The following PRKD1 variants were observed in gnomAD, a reference collection of about 807,000 sequenced individuals.
PRKD1 encodes serine/threonine-protein kinase D1.
PRKD1 carries 63 observed loss-of-function variants against 95.9 expected under a neutral mutation model. The observed-to-expected ratio is 0.66, with a 90% CI of 0.54 to 0.81. PRKD1 has a LOEUF of 0.81. PRKD1 is among the 30% of genes least tolerant of loss of function. The probability of loss-of-function intolerance (pLI) is 0.00; values close to 1 mark genes in which losing one functional copy is unlikely to be tolerated. For synonymous variants in PRKD1, 425 were observed against 423.1 expected, an observed-to-expected ratio of 1.00 and a Z score of -0.05; for missense variants, 1,048 against 1,165.3, an observed-to-expected ratio of 0.90 and a Z score of 1.47.
At chr14:29,677,173 T>G (rs1883278983) in intron 2 of PRKD1, among the ~76,000 whole-genome samples, 1 of 152,234 alleles carries the variant, frequency 6.6e-6, no homozygotes, top group Non-Finnish European at 1.5e-5. Context: ...TTTTTATTCT[T>G]ACATTTTATT....
chr14:29,660,520 T>C (rs907989532), intron 4 of PRKD1, among the ~76,000 whole-genome samples: 2 of 152,190 alleles, frequency 1.3e-5, no homozygotes, highest in Non-Finnish European at 2.9e-5. Flanking sequence ...AAATAGTGTT[T>C]TGTTATGTTA....
Position 29,636,364 on chromosome 14 carries a change from C to T in PRKD1, c.1116G>A (p.Met372Ile). Residue 372 changes from methionine (M) to isoleucine (I), a missense_variant, in exon 7 of 18, where the codon ATG (methionine) becomes ATA (isoleucine). Coordinates refer to ENST00000331968, the MANE Select transcript of PRKD1 (RefSeq NM_002742.3). The stretch of plus-strand genomic sequence containing the variant: ...CGCCACTGTCGTTCTGGCACTCTGC[C>T]ATTGCCATCTCTGCATCTTGGACCA... ...EAMVQDAEMAMAECQNDSGEM... is the reference protein window; with the variant it reads ...EAMVQDAEMAIAECQNDSGEM... 6.2e-7 allele frequency: 1 copy of T among 1,614,218 alleles called. No individual in the cohort carries two copies. Among genetic ancestry groups the T allele is most frequent in the Non-Finnish European group, 8.5e-7 (1 of 1,180,058 alleles).
chr14:29,787,978 T>C (rs568867831), intron 1 of PRKD1, among the ~76,000 whole-genome samples: 22 of 152,274 alleles, frequency 1.4e-4, no homozygotes, highest in Admixed American at 1.3e-3. Context: ...ATTTGGCTCC[T>C]TTCTCTTTCT....
rs1895333610 is a variant in PRKD1 at position 29,927,191 on chromosome 14, G to A, written c.264+58C>T. The A allele has an allele frequency of 4.2e-6, 6 of 1,416,714 alleles. No homozygotes were observed. The Admixed American group carries it at 9.1e-5, about 22-fold the overall frequency. The allele number at this position is 1,416,714 out of a possible 1,614,324, so 87.8% of individuals were successfully genotyped here. ...AAAGTTGGCGCGGAGAGGGCCAGCC[G>A]GGCAGCGCCCCCTGCGCCGCGGGGA... is the stretch of plus-strand genomic sequence containing the variant. On this transcript the variant is annotated intron_variant, in intron 1 of 17. Transcript: ENST00000331968.
chr14:29,646,752 G>GA lies in PRKD1; in HGVS notation c.697-7849dup, dbSNP rs368156410. Reference sequence around the variant, plus strand: ...AGCAAAAAACAAACAAACAAAAAACGAAAAAAAAAAAAACCCACACAGTCA... The same window carrying GA: ...AGCAAAAAACAAACAAACAAAAAACGAAAAAAAAAAAAAACCCACACAGTCA... On this transcript the variant is annotated intron_variant, in intron 4 of 17. Transcript: ENST00000331968. Among the ~76,000 whole-genome samples, 585 of 122,764 alleles carry GA rather than the reference G, an allele frequency of 4.8e-3. 2 individuals carry two copies. The highest frequency in any genetic ancestry group is 0.014 in the South Asian group (58 of 4,132). The allele number at this position is 122,764 out of a possible 152,430, so 80.5% of individuals were successfully genotyped here. A position where few individuals can be genotyped will look rare whatever the true frequency, so the allele number is the denominator to read the frequency against.
chr14:29,825,232 T>C (rs139912898), intron 1 of PRKD1, among the ~76,000 whole-genome samples: 122 of 152,168 alleles, frequency 8.0e-4, no homozygotes, highest in African/African-American at 2.7e-3. Flanking sequence ...ACTTACACAG[T>C]CAAAAGGGCA....
intron 1 of PRKD1, among the ~76,000 whole-genome samples, chr14:29,742,341 A>G (rs1000256496): frequency 1.3e-5 from 2 of 152,192 alleles, no homozygotes; most frequent in Admixed American, 1.3e-4. Flanking sequence ...CCTCAGCTGA[A>G]CTGACGGCCA....
Position 29,903,715 on chromosome 14 carries a change from T to C in PRKD1, c.264+23534A>G, listed in dbSNP as rs143977668. On this transcript the variant is annotated intron_variant, in intron 1 of 17. Coordinates refer to ENST00000331968, the MANE Select transcript of PRKD1 (RefSeq NM_002742.3). ...GAGAAAGGGATAAAGGGGTGACAAC[T>C]GAGGAACAAAAAATGATTAATGAAA... is the stretch of plus-strand genomic sequence containing the variant. Among the ~76,000 whole-genome samples the C allele has an allele frequency of 3.5e-3, 527 of 152,214 alleles. 4 individuals carry two copies. The highest frequency in any genetic ancestry group is 6.6e-3 in the Non-Finnish European group (451 of 68,000).
At chr14:29,756,447 C>T (rs1887700630) in intron 1 of PRKD1, among the ~76,000 whole-genome samples, 2 of 152,122 alleles carry the variant, frequency 1.3e-5, no homozygotes, top group South Asian at 4.1e-4. Flanking sequence ...TTTAAATATG[C>T]ATGCATATTT....
chr14:29,799,028 T>A (rs1814650976), intron 1 of PRKD1, among the ~76,000 whole-genome samples: 1 of 152,222 alleles, frequency 6.6e-6, no homozygotes, highest in African/African-American at 2.4e-5. Flanking sequence ...GCTGCTTAAG[T>A]CAAGAAAATC....
intron 16 of PRKD1, among the ~76,000 whole-genome samples, chr14:29,585,648 T>C (rs1892896963): frequency 6.6e-6 from 1 of 152,216 alleles, no homozygotes; most frequent in African/African-American, 2.4e-5. Context: ...ATATTTTGGC[T>C]AAAAATATTT....
chr14:29,674,154 T>A (rs1883023428), intron 2 of PRKD1, among the ~76,000 whole-genome samples: 2 of 152,140 alleles, frequency 1.3e-5, no homozygotes, highest in African/African-American at 4.8e-5. Context: ...TTAATAATAA[T>A]AATTATTGTC....
intron 1 of PRKD1, among the ~76,000 whole-genome samples, chr14:29,891,904 C>A (rs1893950091): frequency 6.6e-6 from 1 of 152,140 alleles, no homozygotes; most frequent in Admixed American, 6.5e-5. Context: ...TATTTTATTA[C>A]AACTTCTAAA....
chr14:29,620,703 T>C (rs1414419312), intron 13 of PRKD1, among the ~76,000 whole-genome samples: 5 of 152,018 alleles, frequency 3.3e-5, no homozygotes, highest in South Asian at 2.1e-4. Context: ...TGTGGAGAAA[T>C]AGGAACACTT....
intron 1 of PRKD1, among the ~76,000 whole-genome samples, chr14:29,748,682 A>G (rs555555184): frequency 2.0e-5 from 3 of 152,230 alleles, no homozygotes; most frequent in Non-Finnish European, 2.9e-5. Context: ...TGCTGTATCC[A>G]GCACCTAGGA....
chr14:29,648,342 C>A (rs551678310), intron 4 of PRKD1, among the ~76,000 whole-genome samples: 1 of 149,726 alleles, frequency 6.7e-6, no homozygotes, highest in South Asian at 2.1e-4. Context: ...TGAGGCAAGG[C>A]CTGGTACTTG....
chr14:29,916,304 C>T (rs1189712472), intron 1 of PRKD1, among the ~76,000 whole-genome samples: 1 of 152,174 alleles, frequency 6.6e-6, no homozygotes. Context: ...GATCTCTTTC[C>T]ACTGTTATTC....
chr14:29,617,357 T>C (rs1478594113), intron 13 of PRKD1, among the ~76,000 whole-genome samples: 1 of 152,162 alleles, frequency 6.6e-6, no homozygotes, highest in Non-Finnish European at 1.5e-5. Context: ...TGCCCAGCCA[T>C]TGTTCTGTTT....
rs904275865 is a variant in PRKD1, at chr14:29,672,208, G to A, written c.404-6000C>T. Among the ~76,000 whole-genome samples, 4 of 152,060 alleles carry A rather than the reference G, an allele frequency of 2.6e-5. No individual in the cohort carries two copies. In the South Asian group the frequency reaches 8.3e-4, roughly 31 times the overall value. On this transcript the variant is annotated intron_variant, in intron 2 of 17. Transcript: ENST00000331968. ...ATACAAAAATTGGCCGGGCGTGGTG[G>A]TGGGTGCCTGTAGTCCCAGCTATTT... is the stretch of plus-strand genomic sequence containing the variant.
Sources: allele counts gnomAD v4.1 joint callset (sites outside exome capture counted in the v4.1 genomes callset), GRCh38; gene constraint gnomAD v4.1.1; transcripts MANE v1.5; gene names NCBI Gene and HGNC (gene_info 2026-07-23, HGNC 2026-07-21).